Variants in PHF10 observed in about 807,000 individuals in gnomAD.
The protein encoded by PHF10 is PHD finger protein 10.
A neutral mutation model predicts 68.5 loss-of-function variants in PHF10; 51 were observed. The observed-to-expected ratio is 0.74, with a 90% CI of 0.59 to 0.94. PHF10 has a LOEUF of 0.94. Ranked by LOEUF, PHF10 falls within the 40% of genes least tolerant of loss-of-function variation. The probability of loss-of-function intolerance (pLI) is 0.00; values close to 1 mark genes in which losing one functional copy is unlikely to be tolerated. For missense variants in PHF10, 460 were observed against 602.6 expected (o/e 0.76, Z 2.48); for synonymous variants, 204 against 203.5 (o/e 1.00, Z -0.02).
At position 169,705,138 on chromosome 6, in the gene PHF10, G is replaced by A; in HGVS notation, c.1406C>T (p.Pro469Leu). ...HTFCVGLGAI[P>L]SGRWICDCCQ... The stretch of plus-strand genomic sequence containing the variant: ...GCTCTTTTTTTAATCTTTACCTGAT[G>A]GAATAGCACCAAGGCCCACACAAAA... Residue 469 changes from proline (P) to leucine (L), a missense_variant, in exon 11 of 12, where the codon CCA becomes CTA. Coordinates refer to ENST00000339209, the MANE Select transcript of PHF10 (RefSeq NM_018288.4). 3.8e-6 allele frequency: 6 copies of A among 1,596,658 alleles called. No homozygotes were observed. The South Asian group carries it at 4.5e-5, about 12-fold the overall frequency.
intron 10 of PHF10, 24 bp from the exon 11 acceptor site, chr6:169,705,345 G>A (rs755382273): frequency 6.6e-6 from 10 of 1,523,378 alleles, no homozygotes; most frequent in Admixed American, 2.0e-5. Context: ...AGTATTAGTG[G>A]TATCTCACAT....
rs1232284613 is a variant in PHF10 at position 169,706,723 on chromosome 6, TACATACAC to T, written c.1114-1007_1114-1000del. Among the ~76,000 whole-genome samples the T allele has an allele frequency of 5.1e-3, 371 of 72,452 alleles. 2 individuals carry two copies. Among genetic ancestry groups the T allele is most frequent in the African/African-American group, 0.011 (271 of 23,878 alleles). 47.5% of individuals were successfully genotyped at this position (72,452 alleles called of 152,430 possible). A position where few individuals can be genotyped will look rare whatever the true frequency, so the allele number is the denominator to read the frequency against. On this transcript the variant is annotated intron_variant, in intron 9 of 11. Transcript: ENST00000339209. ...AATGGGGTAAGGGGACATACATACA[TACATACAC>T]ACACACACACACACACACACACACA...
chr6:169,712,934 C>A (rs114740007), intron 7 of PHF10, among the ~76,000 whole-genome samples: 2 of 152,102 alleles, frequency 1.3e-5, no homozygotes, highest in African/African-American at 4.8e-5. Context: ...TAGCATCTAC[C>A]GCATACAGTT....
chr6:169,704,885 C>T (rs1788721838), intron 11 of PHF10: 1 of 367,486 alleles, frequency 2.7e-6, no homozygotes, highest in Non-Finnish European at 5.0e-6. Flanking sequence ...AGAAAAACAC[C>T]AGCTCATTCT....
intron 1 of PHF10, among the ~76,000 whole-genome samples, chr6:169,722,583 T>C (rs907752441): frequency 2.0e-5 from 3 of 152,226 alleles, no homozygotes; most frequent in Non-Finnish European, 2.9e-5. Context: ...CTACAAATTC[T>C]AGGCAAAGGC....
chr6:169,723,790 C>G, intron 1 of PHF10, 55 bp downstream of exon 1: 1 of 566,766 alleles, frequency 1.8e-6, no homozygotes, highest in Non-Finnish European at 2.4e-6. Flanking sequence ...GCCCACGCCC[C>G]GGCACCCAGG....
intron 7 of PHF10, among the ~76,000 whole-genome samples, chr6:169,713,481 T>C (rs1264535782): frequency 6.6e-6 from 1 of 151,208 alleles, no homozygotes; most frequent in Admixed American, 6.6e-5. Flanking sequence ...GCACCTGTAA[T>C]CCCAGCTACT....
intron 9 of PHF10, among the ~76,000 whole-genome samples, chr6:169,706,733 C>CACACAT (rs1562984622): frequency 1.0e-4 from 5 of 48,198 alleles, no homozygotes; most frequent in African/African-American, 1.7e-4. Flanking sequence ...TACATACACA[C>CACACAT]ACACACACAC....
At chr6:169,723,781 C>A in intron 1 of PHF10, 64 bp downstream of exon 1, 1 of 496,546 alleles carries the variant, frequency 2.0e-6, no homozygotes, top group Non-Finnish European at 2.8e-6. Context: ...TGGGACTGGG[C>A]CCACGCCCCG....
chr6:169,712,844 C>A (rs1012546945), intron 7 of PHF10, among the ~76,000 whole-genome samples: 29 of 152,136 alleles, frequency 1.9e-4, no homozygotes, highest in Non-Finnish European at 1.3e-4. Context: ...TGGCTGCCAG[C>A]TCACATCCAC....
intron 1 of PHF10, among the ~76,000 whole-genome samples, chr6:169,722,700 T>C (rs1447718299): frequency 6.6e-6 from 1 of 152,198 alleles, no homozygotes. Flanking sequence ...AATTTCCGTG[T>C]AACCGCAATA....
At chr6:169,714,925 T>TA in intron 6 of PHF10, 83 bp from the exon 7 acceptor site, 1 of 770,410 alleles carries the variant, frequency 1.3e-6, no homozygotes, top group Admixed American at 2.0e-5. Context: ...TGCTCACCAC[T>TA]GCACGCCCAC....
intron 3 of PHF10, among the ~76,000 whole-genome samples, chr6:169,718,520 A>T (rs1279145400): frequency 6.6e-6 from 1 of 152,184 alleles, no homozygotes; most frequent in Non-Finnish European, 1.5e-5. Context: ...AATTAAAAAA[A>T]TCTGCCACGC....
At position 169,717,500 on chromosome 6, in the gene PHF10, T is replaced by A. The variant is rs74958830; in HGVS notation, c.409+323A>T. The stretch of plus-strand genomic sequence containing the variant: ...AAATTTTAATATAAAGTGTTGAATA[T>A]GTCATGTGACTTGTTACATATTATA... On this transcript the variant is annotated intron_variant, in intron 4 of 11. Coordinates refer to ENST00000339209, the MANE Select transcript of PHF10 (RefSeq NM_018288.4). Among the ~76,000 whole-genome samples, 504 of 152,338 alleles carry A rather than the reference T, an allele frequency of 3.3e-3. 4 individuals are homozygous for A. The highest frequency in any genetic ancestry group is 0.029 in the East Asian group (148 of 5,176).
At chr6:169,704,772 A>G (rs959480071) in intron 11 of PHF10, 17 of 181,918 alleles carry the variant, frequency 9.3e-5, no homozygotes, top group Non-Finnish European at 1.3e-4. Flanking sequence ...ACAGAAATCT[A>G]TAATAGATTT....
chr6:169,720,535 G>A (rs879560292), intron 2 of PHF10, among the ~76,000 whole-genome samples: 131 of 152,280 alleles, frequency 8.6e-4, no homozygotes, highest in South Asian at 1.7e-3. Flanking sequence ...AGTTCTAAGA[G>A]AAATAAGCCA....
At chr6:169,722,081 A>G (rs888770350) in intron 1 of PHF10, among the ~76,000 whole-genome samples, 13 of 152,194 alleles carry the variant, frequency 8.5e-5, no homozygotes, top group Admixed American at 2.0e-4. Flanking sequence ...GCCCCATTAC[A>G]TGGCTAATTC....
intron 6 of PHF10, 51 bp from the exon 7 acceptor site, chr6:169,714,893 G>C: frequency 2.0e-6 from 2 of 979,306 alleles, no homozygotes; most frequent in African/African-American, 1.6e-5. Context: ...TAAGAATCAA[G>C]GCTTTAGGAA....
intron 6 of PHF10, 113 bp downstream of exon 6, chr6:169,715,591 CAAAA>C (rs201623830): frequency 5.5e-6 from 5 of 909,592 alleles, no homozygotes; most frequent in African/African-American, 3.3e-5. Flanking sequence ...AACAAACAAA[CAAAA>C]AAAACACACA....
Sources: gnomAD v4.1 joint callset for allele counts (sites outside exome capture counted in the v4.1 genomes callset) on GRCh38, gnomAD v4.1.1 for gene constraint, MANE v1.5 for transcripts, NCBI Gene and HGNC (gene_info 2026-07-23, HGNC 2026-07-21) for gene names.